Variants in PPP6R3 observed in about 807,000 individuals in gnomAD.
PPP6R3 encodes protein phosphatase 6 regulatory subunit 3, also known as serine/threonine-protein phosphatase 6 regulatory subunit 3.
Under a neutral mutation model 110.7 loss-of-function variants are expected in PPP6R3, and 38 were observed. The observed-to-expected ratio is 0.34, with a 90% CI of 0.26 to 0.45. The LOEUF is 0.45. Among genes scored for constraint, PPP6R3 ranks in the 20% least tolerant of loss-of-function variants. PPP6R3 has a pLI of 1.00. For missense variants in PPP6R3, 870 were observed against 1,062.4 expected, an observed-to-expected ratio of 0.82 and a Z score of 2.52; for synonymous variants, 369 against 373.5, an observed-to-expected ratio of 0.99 and a Z score of 0.14.
At chr11:68,578,872 T>A (rs1477290051) in intron 14 of PPP6R3, among the ~76,000 whole-genome samples, 1 of 152,236 alleles carries the variant, frequency 6.6e-6, no homozygotes, top group Non-Finnish European at 1.5e-5. Flanking sequence ...GTGTTTTAAT[T>A]ATATCCAAAG....
At chr11:68,525,179 T>G (rs2099190028) in intron 2 of PPP6R3, among the ~76,000 whole-genome samples, 1 of 152,246 alleles carries the variant, frequency 6.6e-6, no homozygotes, top group Admixed American at 6.5e-5. Flanking sequence ...TTTTAGTTTT[T>G]TTCCATCTGC....
chr11:68,487,159 C>T (rs7116994), intron 1 of PPP6R3, among the ~76,000 whole-genome samples: 38,668 of 152,094 alleles, frequency 0.25, 5,164 homozygotes, highest in Middle Eastern at 0.33. Context: ...GATAGAAGAT[C>T]AGATTATTGG....
chr11:68,605,447 G>GT (rs1224834346), intron 22 of PPP6R3, among the ~76,000 whole-genome samples: 2 of 152,204 alleles, frequency 1.3e-5, no homozygotes, highest in Admixed American at 1.3e-4. Flanking sequence ...TGAGGAAAGA[G>GT]TGGACTAGTA....
At chr11:68,561,944 T>A (rs1037529427) in intron 8 of PPP6R3, among the ~76,000 whole-genome samples, 5 of 151,936 alleles carry the variant, frequency 3.3e-5, no homozygotes, top group Admixed American at 2.6e-4. Context: ...TTATGTTTTG[T>A]AGCGATGGAG....
intron 10 of PPP6R3, among the ~76,000 whole-genome samples, chr11:68,568,772 A>T (rs191193853): frequency 0.01 from 1,487 of 144,026 alleles, 12 homozygotes; most frequent in Admixed American, 0.016. Context: ...AATTCTTACA[A>T]TTTTTTTTTT....
intron 23 of PPP6R3, among the ~76,000 whole-genome samples, chr11:68,612,307 T>C (rs1255874712): frequency 9.9e-5 from 15 of 152,206 alleles, no homozygotes; most frequent in South Asian, 6.2e-4. Context: ...CCAGCAGGTA[T>C]AAGGCATGAG....
intron 1 of PPP6R3, among the ~76,000 whole-genome samples, chr11:68,473,861 T>C (rs115252842): frequency 0.01 from 1,569 of 152,342 alleles, 21 homozygotes; most frequent in African/African-American, 0.036. Flanking sequence ...CTTCTGTGAA[T>C]ATTTGCATAC....
chr11:68,476,298 C>CA (rs1375665007), intron 1 of PPP6R3, among the ~76,000 whole-genome samples: 2 of 152,126 alleles, frequency 1.3e-5, no homozygotes, highest in South Asian at 2.1e-4. Flanking sequence ...CCGTCTCCAC[C>CA]AAAAAAATAC....
chr11:68,478,175 C>T (rs2098849785), intron 1 of PPP6R3, among the ~76,000 whole-genome samples: 1 of 152,038 alleles, frequency 6.6e-6, no homozygotes, highest in East Asian at 1.9e-4. Flanking sequence ...GTCTCGAACT[C>T]CTGATCTCGT....
At chr11:68,608,626 T>G (rs1400699948) in intron 22 of PPP6R3, among the ~76,000 whole-genome samples, 1 of 151,980 alleles carries the variant, frequency 6.6e-6, no homozygotes, top group Non-Finnish European at 1.5e-5. Flanking sequence ...TGCATGGAAG[T>G]GTGAGGTGGA....
chr11:68,510,551 G>C (rs117054417), intron 1 of PPP6R3, among the ~76,000 whole-genome samples: 2,284 of 152,078 alleles, frequency 0.015, 28 homozygotes, highest in Non-Finnish European at 0.024. Context: ...ACCCAGGCTG[G>C]TCTCGAACTC....
In PPP6R3 at chr11:68,595,364, C is replaced by T. The variant is rs555392567; in HGVS notation, c.1917-733C>T. ...TGGAGTAGCTGGAATTACAGGTGCC[C>T]GCCACCACACCCAGCTAATTTTTGT... is the stretch of plus-strand genomic sequence containing the variant. On this transcript the variant is annotated intron_variant, in intron 18 of 23. Coordinates refer to ENST00000393800, the MANE Select transcript of PPP6R3 (RefSeq NM_001164161.2). Among the ~76,000 whole-genome samples, 34 of 151,662 alleles carry T rather than the reference C, an allele frequency of 2.2e-4. 1 individual carries two copies. Among genetic ancestry groups the T allele is most frequent in the South Asian group, 8.4e-4 (4 of 4,788 alleles).
At chr11:68,499,669 A>G (rs1426731861) in intron 1 of PPP6R3, among the ~76,000 whole-genome samples, 1 of 152,144 alleles carries the variant, frequency 6.6e-6, no homozygotes, top group Non-Finnish European at 1.5e-5. Flanking sequence ...TCCTGGCTCA[A>G]GGGATCCCCC....
At chr11:68,559,444 T>A (rs1023679273) in intron 8 of PPP6R3, among the ~76,000 whole-genome samples, 2 of 152,212 alleles carry the variant, frequency 1.3e-5, no homozygotes, top group Non-Finnish European at 2.9e-5. Context: ...TTTTGTATTT[T>A]TTACCCCAAA....
chr11:68,501,109 C>T (rs2099046600), intron 1 of PPP6R3, among the ~76,000 whole-genome samples: 1 of 152,194 alleles, frequency 6.6e-6, no homozygotes, highest in Non-Finnish European at 1.5e-5. Context: ...GTTTTCTCCT[C>T]GTGCTGTCTG....
chr11:68,603,842 A>G (rs2153950580), intron 22 of PPP6R3, among the ~76,000 whole-genome samples: 1 of 152,358 alleles, frequency 6.6e-6, no homozygotes, highest in Middle Eastern at 3.4e-3. Context: ...GGTTTTACAA[A>G]AACCTTTACT....
At chr11:68,542,202 G>T (rs948316) in intron 3 of PPP6R3, among the ~76,000 whole-genome samples, 34,581 of 150,992 alleles carry the variant, frequency 0.23, 4,228 homozygotes, top group Middle Eastern at 0.32. Flanking sequence ...GACCTCAGGA[G>T]CAAGGGCCAC....
rs34482880 is a variant in PPP6R3 at position 68,485,273 on chromosome 11, CTTT to C, written c.-158+24463_-158+24465del. Among the ~76,000 whole-genome samples the C allele has an allele frequency of 3.3e-3, 276 of 84,732 alleles. 1 individual carries two copies. Among genetic ancestry groups the C allele is most frequent in the African/African-American group, 0.011 (262 of 22,832 alleles). The allele number at this position is 84,732 out of a possible 152,430, so 55.6% of individuals were successfully genotyped here. Reference sequence around the variant, plus strand: ...GTATAATGGCTTATAAGTTCTGGGACTTTTTTTTTTTTTTTTTTTCAATTCCTT... The same window carrying C: ...GTATAATGGCTTATAAGTTCTGGGACTTTTTTTTTTTTTTTTCAATTCCTT... On this transcript the variant is annotated intron_variant, in intron 1 of 23. Coordinates refer to ENST00000393800, the MANE Select transcript of PPP6R3 (RefSeq NM_001164161.2).
Position 68,603,434 on chromosome 11 carries a change from A to G in PPP6R3, c.2392A>G (p.Met798Val). The stretch of plus-strand genomic sequence containing the variant: ...AACTGAGACAGTGATGAATGGCGGC[A>G]TGAAGGAAACGCTCAGCCTCACTGT... ...KVTETVMNGG[M>V]KETLSLTVDA... The change falls in exon 22 of 24, where the codon ATG (methionine) becomes GTG (valine). Residue 798 changes from methionine to valine, a missense_variant. Coordinates refer to ENST00000393800, the MANE Select transcript of PPP6R3 (RefSeq NM_001164161.2). 1 of 1,614,224 alleles carries G rather than the reference A, an allele frequency of 6.2e-7. No homozygotes were observed. Among genetic ancestry groups the G allele is most frequent in the Non-Finnish European group, 8.5e-7 (1 of 1,180,042 alleles).
Sources: allele counts gnomAD v4.1 joint callset (sites outside exome capture counted in the v4.1 genomes callset), GRCh38; gene constraint gnomAD v4.1.1; transcripts MANE v1.5; gene names NCBI Gene and HGNC (gene_info 2026-07-23, HGNC 2026-07-21).